The following MMRN2 variants were observed in gnomAD, a reference collection of about 807,000 sequenced individuals.
MMRN2 encodes multimerin-2.
Under a neutral mutation model 68.8 loss-of-function variants are expected in MMRN2, and 53 were observed. The ratio of observed to expected loss-of-function variants is 0.77; its 90% CI spans 0.62 to 0.97. The LOEUF is 0.97. MMRN2 is among the 50% of genes least tolerant of loss of function. MMRN2 has a pLI of 0.00. For missense variants in MMRN2, 1,266 were observed against 1,259.5 expected (o/e 1.01, Z -0.08); for synonymous variants, 564 against 551.6 (o/e 1.02, Z -0.32).
chr10:86,953,865 TG>T, intron 1 of MMRN2, among the ~76,000 whole-genome samples: 1 of 152,324 alleles, frequency 6.6e-6, no homozygotes, highest in South Asian at 2.1e-4. Context: ...CTCAAGCTCC[TG>T]GAAGTGGAAA....
rs558073557 is a variant in MMRN2, at chr10:86,938,322, TCCTGGGAACAGA to T, written c.2468-1209_2468-1198del. On this transcript the variant is annotated intron_variant, in intron 6 of 6. Transcript: ENST00000372027. ...CACACAACTAGTAAATTACCAAGCC[TCCTGGGAACAGA>T]CCTTGAATCTCTAGACTTCTGGTTC... Among the ~76,000 whole-genome samples, 712 of 152,314 alleles carry T rather than the reference TCCTGGGAACAGA, an allele frequency of 4.7e-3. 4 individuals carry two copies. Among genetic ancestry groups the T allele is most frequent in the South Asian group, 0.013 (61 of 4,830 alleles).
intron 6 of MMRN2, among the ~76,000 whole-genome samples, chr10:86,940,127 C>CTCA (rs1313049064): frequency 6.6e-6 from 1 of 151,348 alleles, no homozygotes; most frequent in Non-Finnish European, 1.5e-5. Flanking sequence ...ATTCTCCTGT[C>CTCA]TCAGCCTCCC....
chr10:86,942,375 C>T lies in MMRN2; in HGVS notation c.2409G>A (p.Val803=), dbSNP rs781722809. The part of the protein sequence containing the change: ...KRDKKEAEPL[V]DIRVTGPVPG... ...GCACAGGCCCTGTGACCCGTATGTCCACCAAAGGCTCCGCTTCCTTCTTGT... is the reference window on the plus strand; with the variant it reads ...GCACAGGCCCTGTGACCCGTATGTCTACCAAAGGCTCCGCTTCCTTCTTGT... The change falls in exon 6 of 7, where the codon GTG becomes GTA. Residue 803 remains valine (V), a synonymous_variant. Transcript: ENST00000372027. 2 of 1,614,172 alleles carry T rather than the reference C, an allele frequency of 1.2e-6. No individual in the cohort carries two copies. The highest frequency in any genetic ancestry group is 1.1e-5 in the South Asian group (1 of 91,072).
In MMRN2 at chr10:86,936,761, G is replaced by A; in HGVS notation, c.2832C>T (p.Phe944=). 1.9e-6 allele frequency: 3 copies of A among 1,614,118 alleles called. No individual in the cohort carries two copies. The highest frequency in any genetic ancestry group is 2.5e-6 in the Non-Finnish European group (3 of 1,179,996). The change falls in exon 7 of 7, where the codon TTC becomes TTT. Residue 944 remains phenylalanine (F), a synonymous_variant. Transcript: ENST00000372027. ...CTGGGGTTCAGGTCTTAAACATCAGGAAGCCCCCAAATGCAGTGCCCGACA... is the reference window on the plus strand; with the variant it reads ...CTGGGGTTCAGGTCTTAAACATCAGAAAGCCCCCAAATGCAGTGCCCGACA... The part of the protein sequence containing the change: ...RSLSGTAFGG[F]LMFKT
rs1185719353 is a variant in MMRN2 at position 86,942,750 on chromosome 10, C to T, written c.2034G>A (p.Leu678=). The T allele has an allele frequency of 2.9e-6, 4 of 1,393,882 alleles. No homozygotes were observed. Among genetic ancestry groups the T allele is most frequent in the Non-Finnish European group, 3.7e-6 (4 of 1,081,644 alleles). The allele number at this position is 1,393,882 out of a possible 1,614,324, so 86.3% of individuals were successfully genotyped here. ...CGCGGCCCGCGTCGTGGCTGGGCTC[C>T]AGGTGCTCTGCCGGCCGCGGGGGCT... ...ASEPPRPAEH[L]EPSHDAGREE... is the part of the protein sequence containing the mutation. The change falls in exon 6 of 7, where the codon CTG becomes CTA. Residue 678 remains leucine, a synonymous_variant. Transcript: ENST00000372027.
intron 1 of MMRN2, chr10:86,949,089 A>G (rs749647017): frequency 2.6e-5 from 4 of 152,264 alleles, no homozygotes; most frequent in Non-Finnish European, 5.9e-5. Flanking sequence ...AACTCTGGGA[A>G]CAAAGATGGT....
intron 1 of MMRN2, among the ~76,000 whole-genome samples, chr10:86,951,561 A>G (rs1249683746): frequency 6.6e-6 from 1 of 152,262 alleles, no homozygotes; most frequent in African/African-American, 2.4e-5. Context: ...AAAGAAGTCA[A>G]TGACAACATA....
In MMRN2 at chr10:86,936,634, C is replaced by T. The variant is rs551724946; in HGVS notation, c.*109G>A. 1.2e-5 allele frequency: 16 copies of T among 1,386,912 alleles called. No individual in the cohort carries two copies. In the South Asian group the frequency reaches 2.1e-4, roughly 19 times the overall value. The allele number at this position is 1,386,912 out of a possible 1,614,324, so 85.9% of individuals were successfully genotyped here. A position where few individuals can be genotyped will look rare whatever the true frequency, so the allele number is the denominator to read the frequency against. On this transcript the variant is annotated 3_prime_UTR_variant, in exon 7 of 7. Transcript: ENST00000372027. ...CCACACCATCTTTGCAGAAGGTTTCCAGGGAAGAGACAGACCAACTGAATG... is the reference window on the plus strand; with the variant it reads ...CCACACCATCTTTGCAGAAGGTTTCTAGGGAAGAGACAGACCAACTGAATG...
At position 86,945,549 on chromosome 10, in the gene MMRN2, T is replaced by G. The variant is rs3750822; in HGVS notation, c.293+12A>C. 353,031 of 1,579,782 alleles carry G rather than the reference T, an allele frequency of 0.22. 41,370 individuals are homozygous for G. The highest frequency in any genetic ancestry group is 0.25 in the South Asian group (21,426 of 86,738). ...CCAGGCCTGGGCAAATGGCCCACCCTCCCCTACTCACATGACTTTGACTTT... is the reference window on the plus strand; with the variant it reads ...CCAGGCCTGGGCAAATGGCCCACCCGCCCCTACTCACATGACTTTGACTTT... On this transcript the variant is annotated intron_variant, in intron 2 of 6. Transcript: ENST00000372027.
intron 6 of MMRN2, among the ~76,000 whole-genome samples, chr10:86,937,402 ACT>A (rs1288258626): frequency 1.3e-5 from 2 of 151,476 alleles, no homozygotes; most frequent in East Asian, 3.9e-4. Context: ...ACAGGGACTC[ACT>A]CTGTCTCCCA....
intron 6 of MMRN2, among the ~76,000 whole-genome samples, chr10:86,939,855 G>C (rs890348013): frequency 8.0e-6 from 1 of 125,564 alleles, no homozygotes; most frequent in East Asian, 2.8e-4. Context: ...GTGTGTGTGT[G>C]TGTGTGTGTG....
In MMRN2 at chr10:86,945,364, C is replaced by A; in HGVS notation, c.400+6G>T. The A allele has an allele frequency of 6.3e-7, 1 of 1,597,682 alleles. No homozygotes were observed. On this transcript the variant is annotated splice_donor_region_variant and intron_variant, in intron 3 of 6. Coordinates refer to ENST00000372027, the MANE Select transcript of MMRN2 (RefSeq NM_024756.3). The stretch of plus-strand genomic sequence containing the variant: ...AAGGGGGGAAGGGGGCCGCAGGGAG[C>A]CCTACCGTGGTGCTCGCAGTTGGGG...
Position 86,936,638 on chromosome 10 carries a change from G to A in MMRN2, c.*105C>T. 6.4e-6 allele frequency: 9 copies of A among 1,411,998 alleles called. No homozygotes were observed. Among genetic ancestry groups the A allele is most frequent in the Non-Finnish European group, 7.8e-6 (8 of 1,029,190 alleles). The allele number at this position is 1,411,998 out of a possible 1,614,324, so 87.5% of individuals were successfully genotyped here. A position where few individuals can be genotyped will look rare whatever the true frequency, so the allele number is the denominator to read the frequency against. On this transcript the variant is annotated 3_prime_UTR_variant, in exon 7 of 7. Transcript: ENST00000372027. Reference sequence around the variant, plus strand: ...ACCATCTTTGCAGAAGGTTTCCAGGGAAGAGACAGACCAACTGAATGACCT... The same window carrying A: ...ACCATCTTTGCAGAAGGTTTCCAGGAAAGAGACAGACCAACTGAATGACCT...
chr10:86,956,100 C>G (rs1844221287), intron 1 of MMRN2, among the ~76,000 whole-genome samples: 1 of 152,238 alleles, frequency 6.6e-6, no homozygotes, highest in Non-Finnish European at 1.5e-5. Context: ...TTCCTTGGTC[C>G]TGAAATCAGA....
At chr10:86,938,277 A>G (rs1415074536) in intron 6 of MMRN2, among the ~76,000 whole-genome samples, 1 of 152,210 alleles carries the variant, frequency 6.6e-6, no homozygotes, top group Non-Finnish European at 1.5e-5. Flanking sequence ...CCCAGAAAGA[A>G]AAAGCTTATT....
At chr10:86,947,570 A>C (rs1844087184) in intron 1 of MMRN2, among the ~76,000 whole-genome samples, 1 of 151,844 alleles carries the variant, frequency 6.6e-6, no homozygotes, top group African/African-American at 2.4e-5. Context: ...ACGGGGTTTC[A>C]CTATGTTGGC....
At chr10:86,951,166 A>T (rs2133685300) in intron 1 of MMRN2, among the ~76,000 whole-genome samples, 2 of 152,354 alleles carry the variant, frequency 1.3e-5, no homozygotes, top group East Asian at 3.9e-4. Context: ...AGGTAAATGC[A>T]AAAGAATCAC....
Position 86,942,677 on chromosome 10 carries a change from T to G in MMRN2, c.2107A>C (p.Ser703Arg), listed in dbSNP as rs1332704892. The change falls in exon 6 of 7, where the codon AGC becomes CGC. Residue 703 changes from serine to arginine, a missense_variant. Coordinates refer to ENST00000372027, the MANE Select transcript of MMRN2 (RefSeq NM_024756.3). ...ACATTCTTGACGTCGTTGCTCAGGC[T>G]CTGGAGCTCCCGCGCCAGCCCGGCC... ...ALAGLARELQ[S>R]LSNDVKNVGR... 1 of 1,586,250 alleles carries G rather than the reference T, an allele frequency of 6.3e-7. No individual in the cohort carries two copies. Among genetic ancestry groups the G allele is most frequent in the Non-Finnish European group, 8.5e-7 (1 of 1,172,566 alleles).
chr10:86,944,608 C>T (rs1040065745), intron 4 of MMRN2, 173 bp from the exon 5 acceptor site: 3 of 633,062 alleles, frequency 4.7e-6, no homozygotes, highest in Non-Finnish European at 8.1e-6. Flanking sequence ...AGCAAGTGAG[C>T]CCTCACCCTG....
Sources: allele counts gnomAD v4.1 joint callset (sites outside exome capture counted in the v4.1 genomes callset), GRCh38; gene constraint gnomAD v4.1.1; transcripts MANE v1.5; gene names NCBI Gene and HGNC (gene_info 2026-07-23, HGNC 2026-07-21).